The following STARD13 variants were observed in gnomAD, a reference collection of about 807,000 sequenced individuals.
STARD13 encodes the protein stAR-related lipid transfer protein 13.
A neutral mutation model predicts 106.4 loss-of-function variants in STARD13; 62 were observed. That is an observed-to-expected ratio of 0.58 (90% CI 0.48 to 0.72). The LOEUF (loss-of-function observed/expected upper bound fraction) is 0.72. Ranked by LOEUF, STARD13 falls within the 30% of genes least tolerant of loss-of-function variation. The pLI, the probability that STARD13 is intolerant of heterozygous loss-of-function variation, is 0.00. For missense variants in STARD13, 1,387 were observed against 1,424.0 expected (o/e 0.97, Z 0.42); for synonymous variants, 565 against 553.0 (o/e 1.02, Z -0.31).
At chr13:33,489,064 A>G in the STARD13 span, among the ~76,000 whole-genome samples, 2 of 152,100 alleles carry the variant, frequency 1.3e-5, no homozygotes, top group African/African-American at 4.8e-5. Context: ...ATCTCTTTCT[A>G]ATTTCACACC....
At chr13:33,160,881 A>G (rs1040877398) in intron 3 of STARD13, among the ~76,000 whole-genome samples, 1 of 152,226 alleles carries the variant, frequency 6.6e-6, no homozygotes, top group East Asian at 1.9e-4. Context: ...GTTAAAATAA[A>G]CTTATCATAT....
intron 1 of STARD13, among the ~76,000 whole-genome samples, chr13:33,231,716 C>T (rs1315543182): frequency 6.6e-6 from 1 of 152,206 alleles, no homozygotes; most frequent in Non-Finnish European, 1.5e-5. Flanking sequence ...AGCTGGGGCA[C>T]AAACTGCAGT....
At chr13:33,298,098 A>C (rs554522151) in intron 1 of STARD13, among the ~76,000 whole-genome samples, 1 of 144,290 alleles carries the variant, frequency 6.9e-6, no homozygotes, top group South Asian at 2.2e-4. Flanking sequence ...CTCTATGTCT[A>C]GTCTGGCCCC....
At chr13:33,424,646 G>A in the STARD13 span, among the ~76,000 whole-genome samples, 10 of 152,216 alleles carry the variant, frequency 6.6e-5, no homozygotes, top group South Asian at 2.1e-4. Context: ...GGCAGCGTCC[G>A]GGGGCAGTGA....
chr13:33,106,245 C>A (rs1031928699), intron 13 of STARD13, among the ~76,000 whole-genome samples: 1 of 152,068 alleles, frequency 6.6e-6, no homozygotes, highest in African/African-American at 2.4e-5. Context: ...CATGGCGAGG[C>A]CCTGTCTCTA....
At chr13:33,151,993 T>C (rs115203327) in intron 3 of STARD13, among the ~76,000 whole-genome samples, 4,909 of 152,206 alleles carry the variant, frequency 0.032, 268 homozygotes, top group African/African-American at 0.11. Context: ...AATAGGGAAG[T>C]TGACAGGGAG....
chr13:33,519,208 T>TTC, the STARD13 span, among the ~76,000 whole-genome samples: 219 of 101,588 alleles, frequency 2.2e-3, 1 homozygote, highest in African/African-American at 9.8e-3. Flanking sequence ...CTTGGTAATT[T>TTC]TTTCTTTCTT....
chr13:33,107,423 C>T (rs1212782867), intron 12 of STARD13, among the ~76,000 whole-genome samples: 1 of 152,066 alleles, frequency 6.6e-6, no homozygotes, highest in African/African-American at 2.4e-5. Context: ...TAAGATTATG[C>T]ACAGAGGGCT....
At chr13:33,208,588 G>A (rs1329628166) in intron 1 of STARD13, among the ~76,000 whole-genome samples, 1 of 152,188 alleles carries the variant, frequency 6.6e-6, no homozygotes. Flanking sequence ...GAGCACAGGT[G>A]TAACACAGTC....
At chr13:33,498,084 G>A in the STARD13 span, among the ~76,000 whole-genome samples, 4 of 152,108 alleles carry the variant, frequency 2.6e-5, no homozygotes, top group South Asian at 8.3e-4. Context: ...TCAAAGAGAC[G>A]AACTAGAAGC....
chr13:33,198,399 C>T lies in STARD13; in HGVS notation c.170-30777G>A, dbSNP rs1886791006. Among the ~76,000 whole-genome samples the T allele has an allele frequency of 2.6e-5, 4 of 152,014 alleles. No homozygotes were observed. In the South Asian group the frequency reaches 8.3e-4, roughly 32 times the overall value. ...ATCAGAGCCTTGGCCCTATCTGTCTCCTCTGCTTGACCCAGGCTTACCCCA... is the reference window on the plus strand; with the variant it reads ...ATCAGAGCCTTGGCCCTATCTGTCTTCTCTGCTTGACCCAGGCTTACCCCA... On this transcript the variant is annotated intron_variant, in intron 1 of 13. Coordinates refer to ENST00000336934, the MANE Select transcript of STARD13 (RefSeq NM_178006.4).
At chr13:33,426,167 C>T in the STARD13 span, among the ~76,000 whole-genome samples, 9 of 152,154 alleles carry the variant, frequency 5.9e-5, no homozygotes, top group African/African-American at 2.2e-4. Flanking sequence ...ACATATGAGA[C>T]TAACCGTATA....
the STARD13 span, among the ~76,000 whole-genome samples, chr13:33,620,012 G>A: frequency 2.0e-5 from 3 of 151,998 alleles, no homozygotes; most frequent in Admixed American, 6.5e-5. Flanking sequence ...AGCTAAGATC[G>A]TGCCACTATA....
the STARD13 span, among the ~76,000 whole-genome samples, chr13:33,667,815 G>T: frequency 5.3e-5 from 8 of 152,202 alleles, no homozygotes; most frequent in Non-Finnish European, 1.0e-4. Context: ...ATGAGCATTA[G>T]CCTAAAGCTG....
intron 1 of STARD13, among the ~76,000 whole-genome samples, chr13:33,256,650 C>T (rs1180013442): frequency 6.6e-6 from 1 of 152,114 alleles, no homozygotes; most frequent in Non-Finnish European, 1.5e-5. Context: ...TACTGCTTTG[C>T]ATTTAACAAA....
chr13:33,473,299 C>A, the STARD13 span, among the ~76,000 whole-genome samples: 1 of 152,180 alleles, frequency 6.6e-6, no homozygotes, highest in African/African-American at 2.4e-5. Flanking sequence ...TAAATATCAT[C>A]CACATTCTTA....
chr13:33,665,469 A>C, the STARD13 span, among the ~76,000 whole-genome samples: 1 of 152,364 alleles, frequency 6.6e-6, no homozygotes, highest in Admixed American at 6.5e-5. Flanking sequence ...ACCTTTAATT[A>C]AGAAATAAGA....
chr13:33,279,458 A>C (rs953575693), intron 1 of STARD13: 2 of 152,200 alleles, frequency 1.3e-5, no homozygotes, highest in Non-Finnish European at 2.9e-5. Flanking sequence ...TTATTTACTT[A>C]AGCTAAAGTT....
the STARD13 span, among the ~76,000 whole-genome samples, chr13:33,598,187 T>C: frequency 1.3e-5 from 2 of 152,220 alleles, no homozygotes; most frequent in African/African-American, 4.8e-5. Flanking sequence ...CCTAGAGATT[T>C]GGTATCCTAC....
Sources: gnomAD v4.1 joint callset for allele counts (sites outside exome capture counted in the v4.1 genomes callset) on GRCh38, gnomAD v4.1.1 for gene constraint, MANE v1.5 for transcripts, NCBI Gene and HGNC (gene_info 2026-07-23, HGNC 2026-07-21) for gene names.